PSD4: variants seen among roughly 807,000 people sequenced by gnomAD.
PSD4 encodes PH and SEC7 domain-containing protein 4.
In PSD4, 59 loss-of-function variants were observed where a neutral mutation model predicts 112.5. That is an observed-to-expected ratio of 0.52 (90% CI 0.43 to 0.65). The LOEUF (loss-of-function observed/expected upper bound fraction) is 0.65, where lower values mean the gene tolerates loss of function less well. Among genes scored for constraint, PSD4 ranks in the 30% least tolerant of loss-of-function variants. The pLI is 0.00. For synonymous variants in PSD4, 533 were observed against 540.0 expected (o/e 0.99, Z 0.18); for missense variants, 1,267 against 1,352.6 (o/e 0.94, Z 0.99).
chr2:113,174,706 G>A, intron 1 of PSD4, among the ~76,000 whole-genome samples: 1 of 152,184 alleles, frequency 6.6e-6, no homozygotes. Flanking sequence ...CTGTTGTCCT[G>A]ATGGGCAACA....
intron 11 of PSD4, 42 bp downstream of exon 11, chr2:113,195,812 C>A: frequency 6.2e-7 from 1 of 1,612,992 alleles, no homozygotes; most frequent in Non-Finnish European, 8.5e-7. Flanking sequence ...CACCCCTCTC[C>A]CCTGTCTTTG....
At position 113,196,140 on chromosome 2, in the gene PSD4, T is replaced by C; in HGVS notation, c.2226-7T>C. On this transcript the variant is annotated splice_polypyrimidine_tract_variant and splice_region_variant and intron_variant, in intron 11 of 16. Coordinates refer to ENST00000245796, the MANE Select transcript of PSD4 (RefSeq NM_012455.3). ...CAGCACTTCCAGCCCGATTCTCTGA[T>C]GTTCAGGGATGAAGAAGACACAGCC... 6.2e-7 allele frequency: 1 copy of C among 1,602,476 alleles called. No homozygotes were observed. The highest frequency in any genetic ancestry group is 8.5e-7 in the Non-Finnish European group (1 of 1,170,430).
At chr2:113,198,399 G>C (rs1688671898) in intron 14 of PSD4, among the ~76,000 whole-genome samples, 1 of 152,232 alleles carries the variant, frequency 6.6e-6, no homozygotes, top group Non-Finnish European at 1.5e-5. Flanking sequence ...AGCCTCCCGA[G>C]TAGCTGGGAT....
intron 11 of PSD4, among the ~76,000 whole-genome samples, 181 bp from the exon 12 acceptor site, chr2:113,195,966 C>G (rs1688597307): frequency 6.6e-6 from 1 of 151,976 alleles, no homozygotes; most frequent in Admixed American, 6.6e-5. Flanking sequence ...GGTAGTGGGG[C>G]GTGGGGTATG....
intron 4 of PSD4, 190 bp from the exon 5 acceptor site, chr2:113,185,687 T>A: frequency 6.5e-7 from 1 of 1,548,466 alleles, no homozygotes; most frequent in African/African-American, 1.4e-5. Flanking sequence ...CTTAGTTGCC[T>A]GGAGGCTTGA....
chr2:113,197,481 G>A (rs751147867), intron 12 of PSD4, 83 bp from the exon 13 acceptor site: 5 of 1,427,902 alleles, frequency 3.5e-6, no homozygotes, highest in Non-Finnish European at 4.9e-6. Context: ...GGGACAGGGG[G>A]CATATGCACA....
At position 113,201,754 on chromosome 2, in the gene PSD4, C is replaced by G; in HGVS notation, c.*339C>G. The G allele has an allele frequency of 3.0e-6, 1 of 338,738 alleles. No individual in the cohort carries two copies. The highest frequency in any genetic ancestry group is 3.3e-5 in the South Asian group (1 of 30,258). 21.0% of individuals were successfully genotyped at this position (338,738 alleles called of 1,614,324 possible). ...ATCCAGAGTGGCCTCATTTCCTAGA[C>G]TTGCTGAGAACTCAGCACTTGTTTG... On this transcript the variant is annotated 3_prime_UTR_variant, in exon 17 of 17. Transcript: ENST00000245796.
intron 5 of PSD4, among the ~76,000 whole-genome samples, chr2:113,188,454 G>GGC (rs1688359877): frequency 6.6e-6 from 1 of 152,084 alleles, no homozygotes; most frequent in African/African-American, 2.4e-5. Context: ...ATGTTGTCCA[G>GGC]GCTGGTCTCG....
In PSD4 at chr2:113,198,754, T is replaced by C; in HGVS notation, c.2639T>C (p.Met880Thr). Residue 880 changes from methionine to threonine, a missense_variant, in exon 15 of 17, where the codon ATG becomes ACG. Physicochemically the swap from Met to Thr is moderately conservative, Grantham distance 81. This residue lies in a region of PSD4 where 544 missense variants were observed against 648.6 expected (regional missense o/e 0.84). Coordinates refer to ENST00000245796, the MANE Select transcript of PSD4 (RefSeq NM_012455.3). ...YLFQAPTAKE[M>T]SSWIARINLA... ...CTTTGCCCCAGCACTGCCAAGGAGA[T>C]GAGCTCCTGGATCGCGCGCATCAAC... is the stretch of plus-strand genomic sequence containing the variant. 3.2e-6 allele frequency: 5 copies of C among 1,566,482 alleles called. No individual in the cohort carries two copies. Among genetic ancestry groups the C allele is most frequent in the East Asian group, 2.3e-5 (1 of 43,452 alleles).
At position 113,197,913 on chromosome 2, in the gene PSD4, CG is replaced by C; in HGVS notation, c.2624+1del. ...TGGCGCCTCTACCTCTTCCAGGCAC[CG>C]TAAGTCCCTGGGGTGGGAGACTGTG... On this transcript the variant is annotated splice_donor_variant, in intron 14 of 16. Coordinates refer to ENST00000245796, the MANE Select transcript of PSD4 (RefSeq NM_012455.3). LOFTEE classifies it high-confidence loss of function. 16 of 1,572,598 alleles carry C rather than the reference CG, an allele frequency of 1.0e-5. No individual in the cohort carries two copies. The highest frequency in any genetic ancestry group is 1.4e-5 in the Non-Finnish European group (16 of 1,153,746).
Position 113,182,349 on chromosome 2 carries a change from A to T in PSD4, c.-108A>T. The T allele has an allele frequency of 9.3e-7, 1 of 1,074,224 alleles. No individual in the cohort carries two copies. The highest frequency in any genetic ancestry group is 1.6e-5 in the African/African-American group (1 of 62,770). 66.5% of individuals were successfully genotyped at this position (1,074,224 alleles called of 1,614,324 possible). ...CACTTGCTTTGGGCATTTCCAGGGTAGATATGGATTCCCAGTTTCTCCAGC... is the reference window on the plus strand; with the variant it reads ...CACTTGCTTTGGGCATTTCCAGGGTTGATATGGATTCCCAGTTTCTCCAGC... On this transcript the variant is annotated 5_prime_UTR_variant, in exon 2 of 17. Coordinates refer to ENST00000245796, the MANE Select transcript of PSD4 (RefSeq NM_012455.3).
rs558053660 is a variant in PSD4, at chr2:113,183,053, G to A, written c.597G>A (p.Thr199=). 3.1e-6 allele frequency: 5 copies of A among 1,612,972 alleles called. No homozygotes were observed. The highest frequency in any genetic ancestry group is 1.1e-5 in the South Asian group (1 of 90,990). Residue 199 remains threonine (T), a synonymous_variant, in exon 2 of 17, where the codon ACG becomes ACA. Coordinates refer to ENST00000245796, the MANE Select transcript of PSD4 (RefSeq NM_012455.3). ...PTPPVDLPGD[T]GLHSSPPENE... is the part of the protein sequence containing the mutation. Reference sequence around the variant, plus strand: ...CCCCTGTGGACCTCCCCGGGGACACGGGCCTGCACTCCAGCCCACCTGAGA... The same window carrying A: ...CCCCTGTGGACCTCCCCGGGGACACAGGCCTGCACTCCAGCCCACCTGAGA...
In PSD4 at chr2:113,183,411, C is replaced by T. The variant is rs775148088; in HGVS notation, c.955C>T (p.Pro319Ser). 3.2e-6 allele frequency: 5 copies of T among 1,574,322 alleles called. No individual in the cohort carries two copies. ...TGCTATCAGTGGGCATTGTACCCCT[C>T]CATTCCCTGTGCCCATCTATAAACC... ...GAAISGHCTP[P>S]FPVPIYKPHS... Residue 319 changes from proline (P) to serine (S), a missense_variant, in exon 2 of 17, where the codon CCA becomes TCA. Physicochemically the swap from Pro to Ser is moderately conservative, Grantham distance 74. This residue lies in a region of PSD4 where 723 missense variants were observed against 704.0 expected (regional missense o/e 1.03). Transcript: ENST00000245796.
intron 1 of PSD4, among the ~76,000 whole-genome samples, chr2:113,179,401 A>C (rs1040609443): frequency 3.9e-5 from 6 of 152,226 alleles, no homozygotes; most frequent in African/African-American, 1.4e-4. Context: ...CCATAGGAGA[A>C]GAATGAAAGG....
In PSD4 at chr2:113,185,936, T is replaced by G. The variant is rs1558889541; in HGVS notation, c.1309T>G (p.Trp437Gly). 4 of 1,613,884 alleles carry G rather than the reference T, an allele frequency of 2.5e-6. No individual in the cohort carries two copies. Among genetic ancestry groups the G allele is most frequent in the Non-Finnish European group, 2.5e-6 (3 of 1,179,844 alleles). Residue 437 changes from tryptophan (W) to glycine (G), a missense_variant, in exon 5 of 17, where the codon TGG (tryptophan) becomes GGG (glycine). Physicochemically the swap from Trp to Gly is radical, Grantham distance 184. Around this residue, in one of 2 missense-constraint regions of PSD4, gnomAD observed 723 missense variants for 704.0 expected, o/e 1.03. Coordinates refer to ENST00000245796, the MANE Select transcript of PSD4 (RefSeq NM_012455.3). ...SLPCTLAPCP[W>G]RSPASSPEPS... ...TCCCTGCACCTTGGCCCCCTGCCCC[T>G]GGAGGAGCCCAGCTTCTTCTCCAGA...
In PSD4 at chr2:113,195,077, T is replaced by C. The variant is rs148038599; in HGVS notation, c.2182-650T>C. ...TCAGATCCCTCCCAGTAGAATGCCA[T>C]GTAGGTAATTCATTTCTCCTCCATG... On this transcript the variant is annotated intron_variant, in intron 10 of 16. Transcript: ENST00000245796. Among the ~76,000 whole-genome samples, 339 of 152,332 alleles carry C rather than the reference T, an allele frequency of 2.2e-3. 3 individuals are homozygous for C. The highest frequency in any genetic ancestry group is 8.0e-3 in the African/African-American group (331 of 41,570).
chr2:113,193,759 G>GA (rs1688523315), intron 9 of PSD4, 100 bp from the exon 10 acceptor site: 1 of 1,555,654 alleles, frequency 6.4e-7, no homozygotes, highest in African/African-American at 1.4e-5. Flanking sequence ...GAGGGATGTG[G>GA]GCCTGGGGAG....
intron 1 of PSD4, among the ~76,000 whole-genome samples, chr2:113,175,656 A>T (rs916177485): frequency 6.6e-6 from 1 of 152,188 alleles, no homozygotes; most frequent in African/African-American, 2.4e-5. Context: ...CCAGGGTAAA[A>T]GGAGGGAGCG....
At chr2:113,192,094 T>G (rs45557734) in intron 5 of PSD4, among the ~76,000 whole-genome samples, 1 of 151,636 alleles carries the variant, frequency 6.6e-6, no homozygotes, top group Non-Finnish European at 1.5e-5. Flanking sequence ...CTCACAGGGA[T>G]GCACCTGCCA....
Sources: allele counts gnomAD v4.1 joint callset (sites outside exome capture counted in the v4.1 genomes callset), GRCh38; gene constraint gnomAD v4.1.1; regional missense constraint gnomAD v4.1.1; transcripts MANE v1.5; gene names NCBI Gene and HGNC (gene_info 2026-07-23, HGNC 2026-07-21).